The following TENM2 variants were observed in gnomAD, a reference collection of about 807,000 sequenced individuals.
TENM2 encodes teneurin transmembrane protein 2.
TENM2 carries 52 observed loss-of-function variants against 245.2 expected under a neutral mutation model. The observed-to-expected ratio is 0.21, with a 90% CI of 0.17 to 0.27. TENM2 has a LOEUF of 0.27. TENM2 is among the 10% of genes least tolerant of loss of function. The pLI, the probability that TENM2 is intolerant of heterozygous loss-of-function variation, is 1.00. For synonymous variants in TENM2, 1,363 were observed against 1,438.9 expected, an observed-to-expected ratio of 0.95 and a Z score of 1.19; for missense variants, 3,046 against 3,666.8, an observed-to-expected ratio of 0.83 and a Z score of 4.37.
chr5:168,090,181 AG>A (rs1366013284), intron 7 of TENM2, among the ~76,000 whole-genome samples: 1 of 151,162 alleles, frequency 6.6e-6, no homozygotes, highest in African/African-American at 2.4e-5. Context: ...CATAATGCAG[AG>A]GGGGACTGGA....
exon 10 of TENM2, chr5:168,118,369 G>A: frequency 1.2e-6 from 2 of 1,611,810 alleles, no homozygotes; most frequent in Non-Finnish European, 1.7e-6. Flanking sequence ...CTGGAAAGGT[G>A]CAGAGTGCGA....
chr5:167,920,450 G>A (rs1285043175), intron 3 of TENM2, among the ~76,000 whole-genome samples: 2 of 151,300 alleles, frequency 1.3e-5, no homozygotes, highest in East Asian at 1.9e-4. Context: ...CCCGGGAGGT[G>A]GAGGTTGCAG....
At position 167,844,224 on chromosome 5, in the gene TENM2, A is replaced by G. The variant is rs537252234; in HGVS notation, c.503-31762A>G. The stretch of plus-strand genomic sequence containing the variant: ...AAATCGTTGATGTGAAAAGAGCTCA[A>G]CAGTGTTTTATTTAAACAAGGTCGG... On this transcript the variant is annotated intron_variant, in intron 2 of 28. Transcript: ENST00000518659. 2.0e-5 allele frequency among the ~76,000 whole-genome samples: 3 copies of G among 152,376 alleles called. No individual in the cohort carries two copies. The South Asian group carries it at 6.2e-4, about 32-fold the overall frequency.
intron 2 of TENM2, among the ~76,000 whole-genome samples, chr5:167,439,208 GA>G (rs1213163428): frequency 6.6e-6 from 1 of 152,184 alleles, no homozygotes; most frequent in Non-Finnish European, 1.5e-5. Flanking sequence ...ATATCTTGAT[GA>G]AATAATGTAG....
At chr5:167,105,934 G>GATCA in the TENM2 span, among the ~76,000 whole-genome samples, 1 of 111,698 alleles carries the variant, frequency 9.0e-6, no homozygotes, top group Non-Finnish European at 1.8e-5. Context: ...AAAAGAAAGT[G>GATCA]ATCAAAGGAG....
chr5:168,124,958 G>A (rs1795736610), exon 11 of TENM2: 1 of 1,611,930 alleles, frequency 6.2e-7, no homozygotes, highest in African/African-American at 1.3e-5. Flanking sequence ...AGGGTCCAGT[G>A]CCCAGACCAG....
chr5:167,372,203 A>G (rs1760480377), intron 1 of TENM2, among the ~76,000 whole-genome samples: 1 of 152,162 alleles, frequency 6.6e-6, no homozygotes, highest in Non-Finnish European at 1.5e-5. Flanking sequence ...TTTTCTTTAC[A>G]ATGCTGTTCC....
At chr5:167,185,620 T>C in the TENM2 span, among the ~76,000 whole-genome samples, 1 of 152,140 alleles carries the variant, frequency 6.6e-6, no homozygotes, top group Non-Finnish European at 1.5e-5. Context: ...GAGATTCTTA[T>C]CTAGTTAGTC....
the TENM2 span, among the ~76,000 whole-genome samples, chr5:167,192,275 G>T: frequency 4.1e-3 from 626 of 152,054 alleles, 5 homozygotes; most frequent in Middle Eastern, 0.01. Context: ...TGAATTTTTT[G>T]TGTGTGTGTA....
At chr5:167,692,707 C>T (rs1757511167) in intron 2 of TENM2, among the ~76,000 whole-genome samples, 1 of 152,172 alleles carries the variant, frequency 6.6e-6, no homozygotes, top group African/African-American at 2.4e-5. Flanking sequence ...GGAGACCCAG[C>T]TGTTCAAGCA....
At chr5:167,231,661 G>A in the TENM2 span, among the ~76,000 whole-genome samples, 1 of 152,196 alleles carries the variant, frequency 6.6e-6, no homozygotes, top group South Asian at 2.1e-4. Context: ...ATACTTAAAA[G>A]GGGAGCAGAG....
At chr5:167,742,280 T>G (rs1237104698) in intron 2 of TENM2, among the ~76,000 whole-genome samples, 1 of 152,100 alleles carries the variant, frequency 6.6e-6, no homozygotes, top group Non-Finnish European at 1.5e-5. Flanking sequence ...CCCTTAACTT[T>G]TGTTTTTATT....
At chr5:167,328,087 C>G (rs1581754428) in intron 1 of TENM2, among the ~76,000 whole-genome samples, 1 of 150,778 alleles carries the variant, frequency 6.6e-6, no homozygotes, top group Non-Finnish European at 1.5e-5. Flanking sequence ...AAGCTAAAAG[C>G]TTGGAGTTAT....
chr5:167,881,452 C>A (rs1401236897), intron 3 of TENM2, among the ~76,000 whole-genome samples: 2 of 152,182 alleles, frequency 1.3e-5, no homozygotes, highest in Non-Finnish European at 2.9e-5. Flanking sequence ...GTGACAGATT[C>A]ATAGTAGACA....
chr5:167,592,347 C>T (rs568151373), intron 2 of TENM2, among the ~76,000 whole-genome samples: 4 of 152,296 alleles, frequency 2.6e-5, no homozygotes, highest in African/African-American at 9.6e-5. Flanking sequence ...AGAGAAGCCC[C>T]AGCTCAGCAA....
the TENM2 span, among the ~76,000 whole-genome samples, chr5:167,245,507 T>A: frequency 1.5e-5 from 2 of 136,438 alleles, no homozygotes. Flanking sequence ...GCCAGCCTTT[T>A]CTTTTTCTTT....
At position 167,925,447 on chromosome 5, in the gene TENM2, A is replaced by G. The variant is rs545392527; in HGVS notation, c.713-27141A>G. Among the ~76,000 whole-genome samples, 7 of 152,352 alleles carry G rather than the reference A, an allele frequency of 4.6e-5. No homozygotes were observed. In the East Asian group the frequency reaches 1.4e-3, roughly 29 times the overall value. ...CTCTATCCTGAGAAAGCCGATAGTTACATGGGTATATGTATTTGTCAAAAC... is the reference window on the plus strand; with the variant it reads ...CTCTATCCTGAGAAAGCCGATAGTTGCATGGGTATATGTATTTGTCAAAAC... On this transcript the variant is annotated intron_variant, in intron 3 of 28. Transcript: ENST00000518659.
intron 5 of TENM2, among the ~76,000 whole-genome samples, chr5:168,002,964 G>A (rs1383973143): frequency 6.6e-6 from 1 of 152,168 alleles, no homozygotes; most frequent in Non-Finnish European, 1.5e-5. Context: ...AAATAGTACA[G>A]TTACCAGGAA....
chr5:167,663,175 AGAG>A (rs1561650044), intron 2 of TENM2, among the ~76,000 whole-genome samples: 17 of 150,528 alleles, frequency 1.1e-4, no homozygotes, highest in African/African-American at 4.2e-4. Flanking sequence ...AGAGAGAGAG[AGAG>A]AGAGAGAGAA....
Sources: allele counts gnomAD v4.1 joint callset (sites outside exome capture counted in the v4.1 genomes callset), GRCh38; gene constraint gnomAD v4.1.1; transcripts MANE v1.5; gene names NCBI Gene and HGNC (gene_info 2026-07-23, HGNC 2026-07-21).